Variants in TRAPPC9 observed in about 807,000 individuals in gnomAD.
The protein encoded by TRAPPC9 is IKK2 binding protein.
In TRAPPC9, 83 loss-of-function variants were observed where a neutral mutation model predicts 124.0. The observed-to-expected ratio is 0.67, with a 90% confidence interval of 0.56 to 0.80. The LOEUF (loss-of-function observed/expected upper bound fraction) is 0.80, where lower values mean the gene tolerates loss of function less well. TRAPPC9 is among the 30% of genes least tolerant of loss of function. The pLI, the probability that TRAPPC9 is intolerant of heterozygous loss-of-function variation, is 0.00. For synonymous variants in TRAPPC9, 638 were observed against 617.5 expected (o/e 1.03, Z -0.49); for missense variants, 1,302 against 1,508.3 (o/e 0.86, Z 2.27).
intron 21 of TRAPPC9, among the ~76,000 whole-genome samples, chr8:139,853,213 A>C (rs1827600305): frequency 6.6e-6 from 1 of 152,176 alleles, no homozygotes; most frequent in Admixed American, 6.5e-5. Context: ...CCTGTAGCAC[A>C]TGGCGGTGGC....
At chr8:139,872,898 G>A (rs1362526530) in intron 21 of TRAPPC9, among the ~76,000 whole-genome samples, 3 of 134 alleles carry the variant, frequency 0.022, no homozygotes, top group Admixed American at 0.11. Flanking sequence ...GTGGGTGGGT[G>A]GATGGATGGA....
At chr8:139,862,891 C>A (rs1031810453) in intron 21 of TRAPPC9, among the ~76,000 whole-genome samples, 1 of 152,204 alleles carries the variant, frequency 6.6e-6, no homozygotes, top group Non-Finnish European at 1.5e-5. Context: ...GACATGTGTG[C>A]TCCGTGTGGC....
At chr8:139,850,870 G>T (rs1827396306) in intron 21 of TRAPPC9, among the ~76,000 whole-genome samples, 1 of 152,102 alleles carries the variant, frequency 6.6e-6, no homozygotes, top group African/African-American at 2.4e-5. Flanking sequence ...ACTTAATGAA[G>T]TCCTACCACA....
At chr8:140,415,593 A>G (rs934314800) in intron 5 of TRAPPC9, among the ~76,000 whole-genome samples, 3 of 151,842 alleles carry the variant, frequency 2.0e-5, no homozygotes, top group Admixed American at 6.6e-5. Flanking sequence ...CTTTGAGCTG[A>G]AAAAAAAGCC....
At position 140,404,757 on chromosome 8, in the gene TRAPPC9, C is replaced by T. The variant is rs567035433; in HGVS notation, c.1008+820G>A. On this transcript the variant is annotated intron_variant, in intron 6 of 22. Transcript: ENST00000438773. ...GTGTGCACGCGTGAGCATGTGTGTA[C>T]GTGCATGTGTGTGCGTGTGTGAGCA... Among the ~76,000 whole-genome samples, 29 of 150,882 alleles carry T rather than the reference C, an allele frequency of 1.9e-4. No individual in the cohort carries two copies. In the South Asian group the frequency reaches 3.4e-3, roughly 18 times the overall value.
chr8:140,316,084 T>C (rs1438591226), intron 9 of TRAPPC9, among the ~76,000 whole-genome samples: 3 of 152,144 alleles, frequency 2.0e-5, no homozygotes, highest in Non-Finnish European at 2.9e-5. Context: ...TAATCAGCTA[T>C]AAAACTCTAC....
chr8:139,878,003 C>A (rs1351445868), intron 21 of TRAPPC9, among the ~76,000 whole-genome samples: 1 of 152,216 alleles, frequency 6.6e-6, no homozygotes, highest in Non-Finnish European at 1.5e-5. Context: ...CTGCCAAGAT[C>A]CCATAAAATA....
intron 5 of TRAPPC9, among the ~76,000 whole-genome samples, chr8:140,419,937 T>C (rs1588321263): frequency 6.6e-6 from 1 of 151,810 alleles, no homozygotes; most frequent in Admixed American, 6.6e-5. Flanking sequence ...GATGACATGA[T>C]CCTGCCTCTA....
At chr8:140,037,752 CCA>C (rs577081055) in intron 17 of TRAPPC9, among the ~76,000 whole-genome samples, 108 of 148,100 alleles carry the variant, frequency 7.3e-4, no homozygotes, top group African/African-American at 2.4e-3. Flanking sequence ...CACACACACC[CCA>C]CACACACACC....
At chr8:140,272,088 T>G (rs372466495) in intron 15 of TRAPPC9, among the ~76,000 whole-genome samples, 32 of 102,324 alleles carry the variant, frequency 3.1e-4, no homozygotes, top group Admixed American at 9.3e-4. Flanking sequence ...GGTGGTTGTG[T>G]TGATGATGAG....
At chr8:140,090,826 T>C (rs774442581) in intron 17 of TRAPPC9, among the ~76,000 whole-genome samples, 10 of 152,188 alleles carry the variant, frequency 6.6e-5, no homozygotes, top group Non-Finnish European at 1.2e-4. Flanking sequence ...CAGCTGTTCA[T>C]TGACAGCGGA....
intron 16 of TRAPPC9, among the ~76,000 whole-genome samples, chr8:140,231,461 C>T: frequency 7.2e-6 from 1 of 139,050 alleles, no homozygotes; most frequent in Admixed American, 7.2e-5. Context: ...TTTAAAACTG[C>T]TAGTAAATCA....
chr8:140,287,557 A>AAGGGTTCAGC, intron 13 of TRAPPC9, 51 bp downstream of exon 13: 2 of 1,612,506 alleles, frequency 1.2e-6, no homozygotes, highest in South Asian at 2.2e-5. Context: ...GAGGCCATGC[A>AAGGGTTCAGC]AGGGTTCAGC....
chr8:139,841,686 C>G (rs1006430415), intron 21 of TRAPPC9, among the ~76,000 whole-genome samples: 1 of 152,188 alleles, frequency 6.6e-6, no homozygotes, highest in East Asian at 1.9e-4. Context: ...AGGCAGAATT[C>G]GCAGAACCCA....
At chr8:140,148,308 C>T (rs780408672) in intron 17 of TRAPPC9, among the ~76,000 whole-genome samples, 27 of 152,236 alleles carry the variant, frequency 1.8e-4, no homozygotes, top group Non-Finnish European at 3.2e-4. Context: ...CATTCATTCA[C>T]GGGAGTAAAC....
chr8:140,292,737 C>T (rs984953390), intron 11 of TRAPPC9, among the ~76,000 whole-genome samples: 8 of 150,096 alleles, frequency 5.3e-5, no homozygotes, highest in South Asian at 2.2e-4. Flanking sequence ...AAGACTTAAA[C>T]GTTAGACCTA....
At chr8:140,393,144 G>A (rs969790181) in intron 7 of TRAPPC9, among the ~76,000 whole-genome samples, 11 of 150,742 alleles carry the variant, frequency 7.3e-5, no homozygotes, top group African/African-American at 2.2e-4. Context: ...CCATCTCGGC[G>A]CACTGCAACC....
chr8:140,149,552 G>C (rs1023043612), intron 17 of TRAPPC9, among the ~76,000 whole-genome samples: 2 of 151,946 alleles, frequency 1.3e-5, no homozygotes, highest in African/African-American at 4.8e-5. Context: ...CCCAGGAGGC[G>C]GAGGTAGTGG....
rs11464909 is a variant in TRAPPC9 at position 140,427,092 on chromosome 8, ATTTT to A, written c.860-455_860-452del. ...AGGCGTGCGCCACCACGACCGGCTA[ATTTT>A]TTTTTTTTTTTTGTATTTTTAGTAG... On this transcript the variant is annotated intron_variant, in intron 4 of 22. Coordinates refer to ENST00000438773, the MANE Select transcript of TRAPPC9 (RefSeq NM_001160372.4). 4.3e-4 allele frequency among the ~76,000 whole-genome samples: 59 copies of A among 138,408 alleles called. 1 individual carries two copies. The East Asian group carries it at 0.011, about 26-fold the overall frequency. The allele number at this position is 138,408 out of a possible 152,430, so 90.8% of individuals were successfully genotyped here.
Sources: allele counts gnomAD v4.1 joint callset (sites outside exome capture counted in the v4.1 genomes callset), GRCh38; gene constraint gnomAD v4.1.1; transcripts MANE v1.5; gene names NCBI Gene and HGNC (gene_info 2026-07-23, HGNC 2026-07-21).